The following EXD3 variants were observed in gnomAD, a reference collection of about 807,000 sequenced individuals.
EXD3 encodes exonuclease mut-7 homolog.
In EXD3, 92 loss-of-function variants were observed where a neutral mutation model predicts 98.0. The ratio of observed to expected loss-of-function variants is 0.94; its 90% CI spans 0.79 to 1.12. The LOEUF (loss-of-function observed/expected upper bound fraction) is 1.12. Among genes scored for constraint, EXD3 ranks in the 50% most tolerant of loss-of-function variants. The pLI is 0.00. For missense variants in EXD3, 1,222 were observed against 1,191.6 expected, an observed-to-expected ratio of 1.03 and a Z score of -0.38; for synonymous variants, 569 against 526.0, an observed-to-expected ratio of 1.08 and a Z score of -1.12.
At chr9:137,404,466 T>A (rs964751650) in intron 1 of EXD3, among the ~76,000 whole-genome samples, 5 of 152,250 alleles carry the variant, frequency 3.3e-5, no homozygotes, top group Non-Finnish European at 7.3e-5. Flanking sequence ...TCCACTTTTA[T>A]TTGCTTTTTA....
intron 1 of EXD3, among the ~76,000 whole-genome samples, chr9:137,412,515 C>T (rs1467680778): frequency 2.6e-5 from 4 of 152,238 alleles, no homozygotes; most frequent in Non-Finnish European, 5.9e-5. Context: ...AAGCAAACAG[C>T]CCCGCGGCCA....
At chr9:137,358,480 C>T (rs569536558) in intron 7 of EXD3, among the ~76,000 whole-genome samples, 16 of 152,264 alleles carry the variant, frequency 1.1e-4, no homozygotes, top group African/African-American at 1.9e-4. Context: ...CCGGGGGCTC[C>T]GAAGCCAACT....
At chr9:137,383,238 G>A in intron 3 of EXD3, 75 bp downstream of exon 3, 1 of 1,292,134 alleles carries the variant, frequency 7.7e-7, no homozygotes, top group East Asian at 2.5e-5. Context: ...GAGGCCTCCT[G>A]TTAGGCCAGT....
In EXD3 at chr9:137,371,766, C is replaced by G. The variant is rs2131677950; in HGVS notation, c.462+1139G>C. Among the ~76,000 whole-genome samples, 1 of 152,088 alleles carries G rather than the reference C, an allele frequency of 6.6e-6. No homozygotes were observed. Among genetic ancestry groups the G allele is most frequent in the Non-Finnish European group, 1.5e-5 (1 of 67,930 alleles). On this transcript the variant is annotated intron_variant, in intron 5 of 21. Transcript: ENST00000340951. The surrounding 1 kb of genome is among the most constrained non-coding windows in gnomAD (Gnocchi z 8.0). ...GCCGAGCACCCCCAAGCAGGACATC[C>G]CCTGGCAGGACACCCCCGGGCTTCT...
rs1289832710 is a variant in EXD3 at position 137,371,353 on chromosome 9, C to T, written c.462+1552G>A. 4.6e-5 allele frequency among the ~76,000 whole-genome samples: 7 copies of T among 152,282 alleles called. No homozygotes were observed. Among genetic ancestry groups the T allele is most frequent in the East Asian group, 3.9e-4 (2 of 5,170 alleles). ...CCCGCCGCGAGACGACGGCCCCGGG[C>T]GTGGCAGGTGACAGCGCCAGGGGTG... On this transcript the variant is annotated intron_variant, in intron 5 of 21. Coordinates refer to ENST00000340951, the MANE Select transcript of EXD3 (RefSeq NM_017820.5). This position sits in a 1 kb window ranked among gnomAD's most constrained non-coding sequence, Gnocchi z 8.0.
chr9:137,357,052 G>C (rs1325820058), intron 7 of EXD3, among the ~76,000 whole-genome samples: 4 of 152,224 alleles, frequency 2.6e-5, no homozygotes, highest in African/African-American at 7.2e-5. Flanking sequence ...CTTCTGGGTT[G>C]AGATAACGTT....
intron 1 of EXD3, among the ~76,000 whole-genome samples, chr9:137,397,777 T>C (rs947440209): frequency 2.0e-5 from 3 of 151,896 alleles, no homozygotes; most frequent in African/African-American, 7.3e-5. Flanking sequence ...GGTCAAACTG[T>C]ACAAAAAAAT....
rs181504918 is a variant in EXD3, at chr9:137,397,340, C to A, written c.-47-1936G>T. 2.2e-3 allele frequency among the ~76,000 whole-genome samples: 341 copies of A among 152,322 alleles called. 3 individuals carry two copies. The highest frequency in any genetic ancestry group is 7.9e-3 in the African/African-American group (328 of 41,572). Reference sequence around the variant, plus strand: ...TAGGAGGCTTGAGAAAGGCCCTAGGCTCTCCGAAGAGCCCCTGACAAAACA... The same window carrying A: ...TAGGAGGCTTGAGAAAGGCCCTAGGATCTCCGAAGAGCCCCTGACAAAACA... On this transcript the variant is annotated intron_variant, in intron 1 of 21. Coordinates refer to ENST00000340951, the MANE Select transcript of EXD3 (RefSeq NM_017820.5).
At position 137,356,285 on chromosome 9, in the gene EXD3, C is replaced by T. The variant is rs200783001; in HGVS notation, c.740G>A (p.Arg247Gln). ...GGACTCACCTGGGGCTACGCCGTAC[C>T]GCTCCTGCAGACGCAAGACCTGCCT... is the stretch of plus-strand genomic sequence containing the variant. ...LSRQVLRLQE[R>Q]YGVAPALCPN... The change falls in exon 8 of 22, where the codon CGG becomes CAG. Residue 247 changes from arginine (R) to glutamine (Q), a missense_variant. Transcript: ENST00000340951. 1.4e-4 allele frequency: 220 copies of T among 1,602,196 alleles called. No individual in the cohort carries two copies. The highest frequency in any genetic ancestry group is 5.5e-4 in the South Asian group (49 of 89,070).
chr9:137,355,931 A>G (rs1037878740), intron 8 of EXD3, among the ~76,000 whole-genome samples: 1 of 152,082 alleles, frequency 6.6e-6, no homozygotes, highest in Non-Finnish European at 1.5e-5. Context: ...CAGCCTGTCC[A>G]GAGGGGCCTG....
intron 7 of EXD3, among the ~76,000 whole-genome samples, chr9:137,361,544 G>A (rs934922526): frequency 7.4e-6 from 1 of 135,608 alleles, no homozygotes; most frequent in Non-Finnish European, 1.6e-5. Context: ...TCAGGAGATC[G>A]AGACCATCCT....
chr9:137,394,939 G>A (rs910618269), intron 2 of EXD3, among the ~76,000 whole-genome samples: 15 of 152,156 alleles, frequency 9.9e-5, no homozygotes, highest in African/African-American at 2.6e-4. Context: ...AGGGTGTTCC[G>A]GGCCCTCCGC....
Position 137,383,339 on chromosome 9 carries a change from G to A in EXD3, c.94C>T (p.Leu32=), listed in dbSNP as rs1484449576. The A allele has an allele frequency of 6.4e-7, 1 of 1,550,522 alleles. No individual in the cohort carries two copies. The highest frequency in any genetic ancestry group is 8.7e-7 in the Non-Finnish European group (1 of 1,146,880). Residue 32 remains leucine (L), a synonymous_variant, in exon 3 of 22, where the codon CTG becomes TTG. Transcript: ENST00000340951. ...PLLLLQALQT[L]WSTRERKQLR... ...TGCTTCCGCTCCCGCGTGGACCACA[G>A]GGTCTGCAGGGCCTGCAGGAGCAGG...
intron 17 of EXD3, among the ~76,000 whole-genome samples, chr9:137,329,576 GCTACACGGGACTACACGGGA>G (rs1332680622): frequency 1.9e-3 from 4 of 2,070 alleles, no homozygotes; most frequent in Non-Finnish European, 1.5e-3. Flanking sequence ...ACTACACGGG[GCTACACGGGACTACACGGGA>G]CTACACGGGG....
chr9:137,386,352 G>A (rs1161943545), intron 2 of EXD3, among the ~76,000 whole-genome samples: 2 of 152,144 alleles, frequency 1.3e-5, no homozygotes, highest in African/African-American at 2.4e-5. Context: ...TCTCCAAATC[G>A]AGATCCACCT....
Position 137,348,244 on chromosome 9 carries a change from G to A in EXD3, c.1831-6C>T. On this transcript the variant is annotated splice_polypyrimidine_tract_variant and splice_region_variant and intron_variant, in intron 16 of 21. Coordinates refer to ENST00000340951, the MANE Select transcript of EXD3 (RefSeq NM_017820.5). ...ACAGCCACAGCCACAGGGACCTGCA[G>A]TGAGGCCCTGGTCAGCAGTCCCACG... 1 of 1,609,976 alleles carries A rather than the reference G, an allele frequency of 6.2e-7. No homozygotes were observed. The highest frequency in any genetic ancestry group is 1.1e-5 in the South Asian group (1 of 90,734).
intron 1 of EXD3, among the ~76,000 whole-genome samples, chr9:137,414,943 AG>A (rs1293414146): frequency 6.6e-6 from 1 of 152,162 alleles, no homozygotes; most frequent in African/African-American, 2.4e-5. Flanking sequence ...GCTGGAGTGC[AG>A]GGGGGCGATC....
intron 5 of EXD3, 137 bp from the exon 6 acceptor site, chr9:137,368,126 C>T (rs528432435): frequency 2.1e-5 from 15 of 712,492 alleles, no homozygotes; most frequent in African/African-American, 1.6e-4. Flanking sequence ...TGTTCAGCCA[C>T]GTGGCCCTCA....
At chr9:137,420,737 A>AACCCCCC (rs1554743328) in intron 1 of EXD3, among the ~76,000 whole-genome samples, 7 of 112,498 alleles carry the variant, frequency 6.2e-5, no homozygotes, top group East Asian at 6.0e-4. Context: ...ACAGACATTC[A>AACCCCCC]CCCCCCCCCC....
Sources: gnomAD v4.1 joint callset for allele counts (sites outside exome capture counted in the v4.1 genomes callset) on GRCh38, gnomAD v4.1.1 for gene constraint, Gnocchi (gnomAD v3.1) non-coding constraint, MANE v1.5 for transcripts, NCBI Gene and HGNC (gene_info 2026-07-23, HGNC 2026-07-21) for gene names.